Variants in GARRE1 observed in about 807,000 individuals in gnomAD.
GARRE1 encodes the protein granule associated Rac and RHOG effector 1.
Under a neutral mutation model 103.2 loss-of-function variants are expected in GARRE1, and 49 were observed. That is an observed-to-expected ratio of 0.47 (90% CI 0.38 to 0.60). The LOEUF is 0.60. Among genes scored for constraint, GARRE1 ranks in the 20% least tolerant of loss-of-function variants. The pLI, the probability that GARRE1 is intolerant of heterozygous loss-of-function variation, is 0.00. For synonymous variants in GARRE1, 505 were observed against 532.8 expected (o/e 0.95, Z 0.72); for missense variants, 1,199 against 1,370.5 (o/e 0.87, Z 1.98).
intron 1 of GARRE1, among the ~76,000 whole-genome samples, chr19:34,290,741 G>A (rs1455258444): frequency 1.3e-5 from 2 of 151,842 alleles, no homozygotes; most frequent in Non-Finnish European, 2.9e-5. Context: ...TTTCCAGCTT[G>A]GCCTCCCAAA....
rs990783991 is a variant in GARRE1 at position 34,342,471 on chromosome 19, C to G, written c.2521+16C>G. The G allele has an allele frequency of 6.3e-7, 1 of 1,592,900 alleles. No homozygotes were observed. The highest frequency in any genetic ancestry group is 8.6e-7 in the Non-Finnish European group (1 of 1,167,592). On this transcript the variant is annotated intron_variant, in intron 10 of 13. Coordinates refer to ENST00000299505, the MANE Select transcript of GARRE1 (RefSeq NM_014686.5). ...GATCCTGCAGGTATGTGAGGCCTCC[C>G]ATCCCTCGCCCAGTGTCAACAGCAA...
At chr19:34,315,730 A>AAAG (rs1217709788) in intron 2 of GARRE1, among the ~76,000 whole-genome samples, 2 of 151,696 alleles carry the variant, frequency 1.3e-5, no homozygotes, top group Non-Finnish European at 2.9e-5. Flanking sequence ...AAAAAAAAAA[A>AAAG]AAGGGTAGTT....
chr19:34,325,218 A>G (rs2145265095), intron 3 of GARRE1, among the ~76,000 whole-genome samples: 1 of 152,236 alleles, frequency 6.6e-6, no homozygotes, highest in African/African-American at 2.4e-5. Context: ...CTCCAGGCTC[A>G]GTTCTAGCTG....
chr19:34,305,773 T>C (rs1169962972), intron 2 of GARRE1, among the ~76,000 whole-genome samples: 1 of 152,206 alleles, frequency 6.6e-6, no homozygotes, highest in Non-Finnish European at 1.5e-5. Flanking sequence ...CGGGAAATAC[T>C]TATTGTTGTA....
rs373975583 is a variant in GARRE1 at position 34,300,519 on chromosome 19, C to T, written c.46C>T (p.Arg16Cys). Residue 16 changes from arginine to cysteine, a missense_variant, in exon 2 of 14, where the codon CGC becomes TGC. Arg to Cys is a radical substitution (Grantham distance 180). Coordinates refer to ENST00000299505, the MANE Select transcript of GARRE1 (RefSeq NM_014686.5). ...AQDSKMDYKR[R>C]FLLGGSKQKV... ...GGACAGTAAAATGGACTACAAGCGG[C>T]GCTTCCTGCTTGGCGGGTCCAAGCA... is the stretch of plus-strand genomic sequence containing the variant. 8.4e-5 allele frequency: 135 copies of T among 1,612,312 alleles called. No homozygotes were observed. The highest frequency in any genetic ancestry group is 1.0e-4 in the Non-Finnish European group (120 of 1,179,226).
chr19:34,305,365 G>A (rs549063620), intron 2 of GARRE1, among the ~76,000 whole-genome samples: 1 of 152,288 alleles, frequency 6.6e-6, no homozygotes, highest in Admixed American at 6.5e-5. Flanking sequence ...GATATGGCAA[G>A]ACAATAGTTA....
intron 2 of GARRE1, among the ~76,000 whole-genome samples, chr19:34,303,304 G>A (rs1001375966): frequency 6.6e-6 from 1 of 152,204 alleles, no homozygotes; most frequent in Non-Finnish European, 1.5e-5. Flanking sequence ...CTAGGAAGGA[G>A]AATGTTCCTT....
At chr19:34,295,104 A>C (rs1056031333) in intron 1 of GARRE1, among the ~76,000 whole-genome samples, 4 of 152,244 alleles carry the variant, frequency 2.6e-5, no homozygotes, top group Non-Finnish European at 5.9e-5. Context: ...GAACCACCAG[A>C]CAGGTTAAAT....
At chr19:34,275,104 A>G (rs1159914518) in intron 1 of GARRE1, among the ~76,000 whole-genome samples, 2 of 151,878 alleles carry the variant, frequency 1.3e-5, no homozygotes, top group African/African-American at 2.4e-5. Context: ...GTGTCTCCAC[A>G]TTATCAAGGG....
chr19:34,330,152 GTCTTGAGGTGTGAACTCTCTTCTTATCAA>G lies in GARRE1; in HGVS notation c.1105-33_1105-5del. 2 of 1,591,368 alleles carry G rather than the reference GTCTTGAGGTGTGAACTCTCTTCTTATCAA, an allele frequency of 1.3e-6. No individual in the cohort carries two copies. The highest frequency in any genetic ancestry group is 1.7e-6 in the Non-Finnish European group (2 of 1,161,422). Reference sequence around the variant, plus strand: ...AAATTTTAGAACCTTGCATGGCTTTGTCTTGAGGTGTGAACTCTCTTCTTATCAATCTATAGCATACAATGTTACAGCTG... The same window carrying G: ...AAATTTTAGAACCTTGCATGGCTTTGTCTATAGCATACAATGTTACAGCTG... On this transcript the variant is annotated splice_region_variant and splice_polypyrimidine_tract_variant and intron_variant, in intron 6 of 13. Coordinates refer to ENST00000299505, the MANE Select transcript of GARRE1 (RefSeq NM_014686.5).
At chr19:34,298,273 A>G (rs971973961) in intron 1 of GARRE1, among the ~76,000 whole-genome samples, 29 of 151,952 alleles carry the variant, frequency 1.9e-4, no homozygotes, top group African/African-American at 7.0e-4. Flanking sequence ...AAAATTAACC[A>G]AGCATGGTGG....
chr19:34,293,715 A>AACAT, intron 1 of GARRE1, among the ~76,000 whole-genome samples: 1 of 100,498 alleles, frequency 1.0e-5, no homozygotes, highest in Non-Finnish European at 1.7e-5. Flanking sequence ...TAAACATATA[A>AACAT]ACACACACAC....
chr19:34,347,893 G>T lies in GARRE1; in HGVS notation c.2538G>T (p.Glu846Asp). Residue 846 changes from glutamate to aspartate, a missense_variant, in exon 11 of 14, where the codon GAG becomes GAT. Transcript: ENST00000299505. ...CCAATGCAGTGGGCTCAGACCCAGA[G>T]TTTGCACGCTATGTGGCAGGAGTGA... ...PFDPAVGSDP[E>D]FARYVAGVSQ... is the part of the protein sequence containing the mutation. 6.4e-7 allele frequency: 1 copy of T among 1,568,286 alleles called. No homozygotes were observed. Among genetic ancestry groups the T allele is most frequent in the Non-Finnish European group, 8.7e-7 (1 of 1,153,976 alleles).
At chr19:34,255,597 C>T (rs1179056983) in intron 1 of GARRE1, among the ~76,000 whole-genome samples, 1 of 151,604 alleles carries the variant, frequency 6.6e-6, no homozygotes, top group East Asian at 1.9e-4. Flanking sequence ...GTGATTTAAC[C>T]ACCGATGAGC....
At chr19:34,337,876 A>G (rs1333427097) in intron 8 of GARRE1, among the ~76,000 whole-genome samples, 1 of 152,238 alleles carries the variant, frequency 6.6e-6, no homozygotes, top group Non-Finnish European at 1.5e-5. Context: ...AGTCACAACC[A>G]GACTTGGCTT....
chr19:34,350,707 A>T (rs1270996653), intron 12 of GARRE1, among the ~76,000 whole-genome samples: 1 of 151,872 alleles, frequency 6.6e-6, no homozygotes, highest in Non-Finnish European at 1.5e-5. Flanking sequence ...TCAGCCTCCC[A>T]AGTAGCTGGG....
chr19:34,322,271 A>G (rs1024800575), intron 3 of GARRE1, among the ~76,000 whole-genome samples: 1 of 151,960 alleles, frequency 6.6e-6, no homozygotes, highest in Non-Finnish European at 1.5e-5. Context: ...TCCCAGATTC[A>G]AGCCATTCTC....
In GARRE1 at chr19:34,300,246, A is replaced by G. The variant is rs1334325267; in HGVS notation, c.-228A>G. 2.6e-5 allele frequency: 11 copies of G among 427,722 alleles called. No homozygotes were observed. The highest frequency in any genetic ancestry group is 7.8e-5 in the Admixed American group (2 of 25,798). The allele number at this position is 427,722 out of a possible 1,614,324, so 26.5% of individuals were successfully genotyped here. On this transcript the variant is annotated 5_prime_UTR_variant, in exon 2 of 14. Transcript: ENST00000299505. ...ACAGTTCTTATCCAGCATTTTGGAC[A>G]TCTTTTATTTTTTGTCAGAGATCCT...
intron 8 of GARRE1, among the ~76,000 whole-genome samples, chr19:34,337,471 C>G (rs1226732958): frequency 1.3e-5 from 2 of 152,132 alleles, no homozygotes; most frequent in African/African-American, 4.8e-5. Flanking sequence ...TGAGAGGAGC[C>G]TGTCATGCAG....
Sources: gnomAD v4.1 joint callset for allele counts (sites outside exome capture counted in the v4.1 genomes callset) on GRCh38, gnomAD v4.1.1 for gene constraint, MANE v1.5 for transcripts, NCBI Gene and HGNC (gene_info 2026-07-23, HGNC 2026-07-21) for gene names.